The following RAPGEFL1 variants were observed in gnomAD, a reference collection of about 807,000 sequenced individuals.
The protein encoded by RAPGEFL1 is rap guanine nucleotide exchange factor-like 1.
A neutral mutation model predicts 64.4 loss-of-function variants in RAPGEFL1; 31 were observed. The ratio of observed to expected loss-of-function variants is 0.48; its 90% CI spans 0.36 to 0.65. The LOEUF (loss-of-function observed/expected upper bound fraction) is 0.65, where lower values mean the gene tolerates loss of function less well. Ranked by LOEUF, RAPGEFL1 falls within the 30% of genes least tolerant of loss-of-function variation. RAPGEFL1 has a pLI of 0.00. For synonymous variants in RAPGEFL1, 331 were observed against 274.1 expected, an observed-to-expected ratio of 1.21 and a Z score of -2.05; for missense variants, 682 against 677.4, an observed-to-expected ratio of 1.01 and a Z score of -0.08.
intron 4 of RAPGEFL1, among the ~76,000 whole-genome samples, chr17:40,187,186 AAC>A (rs1567694321): frequency 6.6e-6 from 1 of 152,108 alleles, no homozygotes; most frequent in Non-Finnish European, 1.5e-5. Flanking sequence ...CTCTTTAAAA[AAC>A]AGTTGGTAAA....
intron 2 of RAPGEFL1, 107 bp from the exon 3 acceptor site, chr17:40,184,107 C>A: frequency 1.2e-6 from 1 of 855,816 alleles, no homozygotes; most frequent in Non-Finnish European, 2.0e-6. Flanking sequence ...GCTTCCCAAA[C>A]TGCTGGGATT....
Position 40,191,215 on chromosome 17 carries a change from C to A in RAPGEFL1, c.1336-101C>A. The stretch of plus-strand genomic sequence containing the variant: ...CTATTTTCCACCCCTTCCGCCCCCG[C>A]CCTCCTGCCTTTCGCTCCTCATCGC... On this transcript the variant is annotated intron_variant, in intron 8 of 14. Coordinates refer to ENST00000620260, the MANE Select transcript of RAPGEFL1 (RefSeq NM_016339.6). This position sits in a 1 kb window ranked among gnomAD's most constrained non-coding sequence, Gnocchi z 5.1. 8.9e-7 allele frequency: 1 copy of A among 1,117,852 alleles called. No individual in the cohort carries two copies. The highest frequency in any genetic ancestry group is 1.2e-6 in the Non-Finnish European group (1 of 817,690). 69.2% of individuals were successfully genotyped at this position (1,117,852 alleles called of 1,614,324 possible).
At chr17:40,185,710 G>A (rs767591031) in intron 4 of RAPGEFL1, among the ~76,000 whole-genome samples, 9 of 150,846 alleles carry the variant, frequency 6.0e-5, no homozygotes, top group Non-Finnish European at 1.0e-4. Flanking sequence ...CTTGAATCCA[G>A]GAGGTGGAGG....
At chr17:40,186,373 C>T (rs1990072038) in intron 4 of RAPGEFL1, among the ~76,000 whole-genome samples, 1 of 145,326 alleles carries the variant, frequency 6.9e-6, no homozygotes, top group Non-Finnish European at 1.5e-5. Flanking sequence ...TCGAGACCAT[C>T]CTGGCTAACA....
rs547806408 is a variant in RAPGEFL1, at chr17:40,177,502, G to A, written c.-360G>A. ...CCTCTTCACGGCCAGGAGCGCAGCC[G>A]CCGCCGCCGCCGCCGCCGCGTCCTC... On this transcript the variant is annotated 5_prime_UTR_variant, in exon 1 of 15. Coordinates refer to ENST00000620260, the MANE Select transcript of RAPGEFL1 (RefSeq NM_016339.6). The A allele has an allele frequency of 2.8e-5, 16 of 577,982 alleles. No individual in the cohort carries two copies. The highest frequency in any genetic ancestry group is 4.3e-5 in the Non-Finnish European group (14 of 328,548). The allele number at this position is 577,982 out of a possible 1,614,324, so 35.8% of individuals were successfully genotyped here.
chr17:40,190,830 C>T (rs1006497642), intron 8 of RAPGEFL1, 68 bp downstream of exon 8: 1 of 1,587,858 alleles, frequency 6.3e-7, no homozygotes, highest in Admixed American at 1.7e-5. Context: ...AGACGGTGTT[C>T]GCAGCACAAC....
Position 40,181,609 on chromosome 17 carries a change from T to C in RAPGEFL1, c.521-7T>C. The stretch of plus-strand genomic sequence containing the variant: ...CTGACATCTGTGGTGCCCACTGATC[T>C]TTACAGATATCCTGCTGGATGACAT... On this transcript the variant is annotated splice_polypyrimidine_tract_variant and splice_region_variant and intron_variant, in intron 1 of 14. Coordinates refer to ENST00000620260, the MANE Select transcript of RAPGEFL1 (RefSeq NM_016339.6). 1.4e-6 allele frequency: 1 copy of C among 702,682 alleles called. No homozygotes were observed. The highest frequency in any genetic ancestry group is 2.6e-6 in the Non-Finnish European group (1 of 384,772). 43.5% of individuals were successfully genotyped at this position (702,682 alleles called of 1,614,324 possible). A position where few individuals can be genotyped will look rare whatever the true frequency, so the allele number is the denominator to read the frequency against.
intron 4 of RAPGEFL1, among the ~76,000 whole-genome samples, chr17:40,186,170 A>T (rs1310329637): frequency 6.6e-6 from 1 of 151,240 alleles, no homozygotes; most frequent in African/African-American, 2.4e-5. Flanking sequence ...GCTACTCAAG[A>T]GGCTGAGGCA....
At chr17:40,193,597 C>T in intron 14 of RAPGEFL1, 67 bp from the exon 15 acceptor site, 1 of 1,610,244 alleles carries the variant, frequency 6.2e-7, no homozygotes. Context: ...TGATCTTCTG[C>T]CCGGTGTGTG....
chr17:40,191,208 G>T lies in RAPGEFL1; in HGVS notation c.1336-108G>T. ...TATTTTTCTATTTTCCACCCCTTCC[G>T]CCCCCGCCCTCCTGCCTTTCGCTCC... On this transcript the variant is annotated intron_variant, in intron 8 of 14. Transcript: ENST00000620260. This position sits in a 1 kb window ranked among gnomAD's most constrained non-coding sequence, Gnocchi z 5.1. The T allele has an allele frequency of 2.1e-6, 2 of 939,402 alleles. No individual in the cohort carries two copies. The highest frequency in any genetic ancestry group is 1.5e-6 in the Non-Finnish European group (1 of 661,364). The allele number at this position is 939,402 out of a possible 1,614,324, so 58.2% of individuals were successfully genotyped here. A position where few individuals can be genotyped will look rare whatever the true frequency, so the allele number is the denominator to read the frequency against.
In RAPGEFL1 at chr17:40,192,698, G is replaced by A. The variant is rs762463883; in HGVS notation, c.1744+5G>A. ...TCGTGCCTCTGATCCTCAAAGGTGA[G>A]AGAGTTACTCCCAAGCTGTGCCGCT... is the stretch of plus-strand genomic sequence containing the variant. On this transcript the variant is annotated splice_donor_5th_base_variant and intron_variant, in intron 12 of 14. Transcript: ENST00000620260. 2 of 1,610,902 alleles carry A rather than the reference G, an allele frequency of 1.2e-6. No individual in the cohort carries two copies. Among genetic ancestry groups the A allele is most frequent in the Non-Finnish European group, 8.5e-7 (1 of 1,177,284 alleles).
intron 5 of RAPGEFL1, 98 bp downstream of exon 5, chr17:40,189,076 A>G: frequency 6.9e-7 from 1 of 1,459,470 alleles, no homozygotes; most frequent in East Asian, 2.3e-5. Flanking sequence ...CCTGGGTGGT[A>G]GAACCAGCCC....
chr17:40,182,593 C>T (rs925773924), intron 2 of RAPGEFL1, among the ~76,000 whole-genome samples: 6 of 152,200 alleles, frequency 3.9e-5, no homozygotes, highest in Non-Finnish European at 7.3e-5. Flanking sequence ...GGATTAAAGG[C>T]GTGAGCCACT....
rs1047748088 is a variant in RAPGEFL1, at chr17:40,177,511, G to C, written c.-351G>C. Reference sequence around the variant, plus strand: ...GGCCAGGAGCGCAGCCGCCGCCGCCGCCGCCGCCGCGTCCTCTCAGCCTTG... The same window carrying C: ...GGCCAGGAGCGCAGCCGCCGCCGCCCCCGCCGCCGCGTCCTCTCAGCCTTG... On this transcript the variant is annotated 5_prime_UTR_variant, in exon 1 of 15. Transcript: ENST00000620260. 1 of 597,692 alleles carries C rather than the reference G, an allele frequency of 1.7e-6. No individual in the cohort carries two copies. The highest frequency in any genetic ancestry group is 2.9e-5 in the East Asian group (1 of 34,226). The allele number at this position is 597,692 out of a possible 1,614,324, so 37.0% of individuals were successfully genotyped here.
chr17:40,191,378 G>A lies in RAPGEFL1; in HGVS notation c.1398G>A (p.Glu466=), dbSNP rs1990258055. 4 of 1,598,318 alleles carry A rather than the reference G, an allele frequency of 2.5e-6. No homozygotes were observed. In the East Asian group the frequency reaches 9.0e-5, roughly 36 times the overall value. ...ERGRRETANL[E]LLLQRCSEVT... ...GCCGCCGGGAGACGGCCAACTTGGA[G>A]CTGCTGCTGCAGCGCTGCAGCGAGG... Residue 466 remains glutamate, a synonymous_variant, in exon 9 of 15, where the codon GAG becomes GAA. Coordinates refer to ENST00000620260, the MANE Select transcript of RAPGEFL1 (RefSeq NM_016339.6). This position sits in a 1 kb window ranked among gnomAD's most constrained non-coding sequence, Gnocchi z 5.1.
intron 2 of RAPGEFL1, among the ~76,000 whole-genome samples, chr17:40,183,494 C>T (rs1989954617): frequency 6.6e-6 from 1 of 151,504 alleles, no homozygotes; most frequent in African/African-American, 2.4e-5. Context: ...AATTTAGCCT[C>T]CCATCTTTCT....
At chr17:40,185,894 A>G (rs1598441378) in intron 4 of RAPGEFL1, among the ~76,000 whole-genome samples, 6 of 136,290 alleles carry the variant, frequency 4.4e-5, no homozygotes, top group African/African-American at 1.1e-4. Flanking sequence ...AACCCAGGAG[A>G]TGGAGGTTGC....
At chr17:40,180,298 C>T (rs530835548) in intron 1 of RAPGEFL1, among the ~76,000 whole-genome samples, 60 of 152,248 alleles carry the variant, frequency 3.9e-4, no homozygotes, top group South Asian at 2.7e-3. Context: ...CCACACGCTC[C>T]GCTCATTCTC....
At chr17:40,186,984 A>T (rs937904972) in intron 4 of RAPGEFL1, among the ~76,000 whole-genome samples, 2 of 151,164 alleles carry the variant, frequency 1.3e-5, no homozygotes, top group African/African-American at 4.9e-5. Flanking sequence ...ATTATTTATT[A>T]ATTTGTATTA....
Sources: gnomAD v4.1 joint callset for allele counts (sites outside exome capture counted in the v4.1 genomes callset) on GRCh38, gnomAD v4.1.1 for gene constraint, Gnocchi (gnomAD v3.1) non-coding constraint, MANE v1.5 for transcripts, NCBI Gene and HGNC (gene_info 2026-07-23, HGNC 2026-07-21) for gene names.